Variants in PLOD2 observed in about 807,000 individuals in gnomAD.
The protein encoded by PLOD2 is lysine hydroxylase 2.
Under a neutral mutation model 101.0 loss-of-function variants are expected in PLOD2, and 65 were observed. The ratio of observed to expected loss-of-function variants is 0.64; its 90% confidence interval spans 0.53 to 0.79. The LOEUF (loss-of-function observed/expected upper bound fraction) is 0.79. Ranked by LOEUF, PLOD2 falls within the 30% of genes least tolerant of loss-of-function variation. The pLI is 0.00. For synonymous variants in PLOD2, 314 were observed against 302.9 expected (o/e 1.04, Z -0.38); for missense variants, 909 against 914.6 (o/e 0.99, Z 0.08).
chr3:146,160,771 C>G (rs1376487454), intron 1 of PLOD2, 110 bp downstream of exon 1: 23 of 716,946 alleles, frequency 3.2e-5, no homozygotes, highest in Non-Finnish European at 3.7e-5. Flanking sequence ...AGAGGAGGGA[C>G]AGGCCCCCAC....
intron 1 of PLOD2, among the ~76,000 whole-genome samples, chr3:146,131,242 T>C (rs973231337): frequency 1.3e-5 from 2 of 152,234 alleles, no homozygotes; most frequent in Admixed American, 6.5e-5. Context: ...ACCTCACCCA[T>C]GTGTTTTTTC....
Position 146,071,412 on chromosome 3 carries a change from T to A in PLOD2, c.1860A>T (p.Ile620=). 2 of 1,611,714 alleles carry A rather than the reference T, an allele frequency of 1.2e-6. No individual in the cohort carries two copies. Among genetic ancestry groups the A allele is most frequent in the Non-Finnish European group, 1.7e-6 (2 of 1,178,330 alleles). ...WSGGKHHDSR[I]SGGYENVPTD... ...TTGGGACATTTTCATAACCACCAGA[T>A]ATACGGCTATCCTAGAAACAACATT... The change falls in exon 18 of 20, where the codon ATA becomes ATT. Residue 620 remains isoleucine, a synonymous_variant. Transcript: ENST00000282903.
At chr3:146,147,272 C>G (rs2031823759) in intron 1 of PLOD2, among the ~76,000 whole-genome samples, 1 of 152,022 alleles carries the variant, frequency 6.6e-6, no homozygotes, top group Admixed American at 6.6e-5. Flanking sequence ...AAATGACAGA[C>G]AGTATTTTCA....
At chr3:146,094,434 T>C (rs1219772488) in intron 7 of PLOD2, among the ~76,000 whole-genome samples, 3 of 152,126 alleles carry the variant, frequency 2.0e-5, no homozygotes, top group East Asian at 1.9e-4. Flanking sequence ...AGCATTCCTA[T>C]ACACCAATAA....
intron 4 of PLOD2, among the ~76,000 whole-genome samples, chr3:146,109,939 CT>C (rs1937598611): frequency 6.6e-6 from 1 of 151,962 alleles, no homozygotes; most frequent in Non-Finnish European, 1.5e-5. Flanking sequence ...AGTAAGGAAG[CT>C]TACTAAACTT....
intron 1 of PLOD2, among the ~76,000 whole-genome samples, chr3:146,144,861 G>T (rs892817671): frequency 1.3e-5 from 2 of 151,700 alleles, no homozygotes; most frequent in Non-Finnish European, 2.9e-5. Flanking sequence ...ACAAAAAAAT[G>T]AATACTATCA....
At chr3:146,105,420 C>T (rs897795223) in intron 5 of PLOD2, among the ~76,000 whole-genome samples, 1 of 152,130 alleles carries the variant, frequency 6.6e-6, no homozygotes, top group African/African-American at 2.4e-5. Flanking sequence ...CACACCCATC[C>T]TTACAGGCTC....
chr3:146,090,299 T>C (rs1936932603), intron 8 of PLOD2, among the ~76,000 whole-genome samples: 1 of 151,454 alleles, frequency 6.6e-6, no homozygotes, highest in South Asian at 2.1e-4. Flanking sequence ...GAAAAACAGC[T>C]GTATATAGCA....
At chr3:146,074,245 G>C (rs562526546) in intron 15 of PLOD2, among the ~76,000 whole-genome samples, 1 of 151,394 alleles carries the variant, frequency 6.6e-6, no homozygotes, top group East Asian at 1.9e-4. Flanking sequence ...TATCCAAAAA[G>C]ATATCTTCTG....
chr3:146,124,102 T>C (rs1380484524), intron 2 of PLOD2, 36 bp downstream of exon 2: 1 of 1,041,956 alleles, frequency 9.6e-7, no homozygotes, highest in Non-Finnish European at 1.5e-6. Context: ...TAGGCACACA[T>C]TATAGGATCT....
chr3:146,112,800 G>A (rs1284048078), intron 3 of PLOD2, among the ~76,000 whole-genome samples: 1 of 147,742 alleles, frequency 6.8e-6, no homozygotes, highest in African/African-American at 2.5e-5. Context: ...GCAGTGAGCT[G>A]AGATCATGCC....
At chr3:146,083,088 A>G (rs1936620075) in intron 11 of PLOD2, among the ~76,000 whole-genome samples, 1 of 152,196 alleles carries the variant, frequency 6.6e-6, no homozygotes, top group African/African-American at 2.4e-5. Context: ...TATGAATATC[A>G]AACATTTAAT....
At position 146,070,502 on chromosome 3, in the gene PLOD2, TTTC is replaced by T. The variant is rs1295874020; in HGVS notation, c.*212_*214del. The stretch of plus-strand genomic sequence containing the variant: ...ATAAATATTTAAGTTTTTTCTTTCT[TTTC>T]TTCTTCAATCTGTGTTTTAAGGCTC... On this transcript the variant is annotated 3_prime_UTR_variant, in exon 20 of 20. Coordinates refer to ENST00000282903, the MANE Select transcript of PLOD2 (RefSeq NM_182943.3). 3.0e-5 allele frequency: 11 copies of T among 368,080 alleles called. No individual in the cohort carries two copies. The highest frequency in any genetic ancestry group is 4.9e-5 in the Non-Finnish European group (10 of 203,048). 22.8% of individuals were successfully genotyped at this position (368,080 alleles called of 1,614,324 possible).
Position 146,070,597 on chromosome 3 carries a change from G to T in PLOD2, c.*120C>A. On this transcript the variant is annotated 3_prime_UTR_variant, in exon 20 of 20. Coordinates refer to ENST00000282903, the MANE Select transcript of PLOD2 (RefSeq NM_182943.3). ...GTTTTTCAAATGTTTGGCCCAAAGT[G>T]AAGTTGTTCTGTTGATGTTATTTAA... 1 of 643,404 alleles carries T rather than the reference G, an allele frequency of 1.6e-6. No individual in the cohort carries two copies. Among genetic ancestry groups the T allele is most frequent in the Non-Finnish European group, 2.7e-6 (1 of 374,078 alleles). 39.9% of individuals were successfully genotyped at this position (643,404 alleles called of 1,614,324 possible). A position where few individuals can be genotyped will look rare whatever the true frequency, so the allele number is the denominator to read the frequency against.
chr3:146,085,097 C>A, intron 11 of PLOD2, 72 bp downstream of exon 11: 2 of 743,044 alleles, frequency 2.7e-6, no homozygotes, highest in Non-Finnish European at 4.8e-6. Flanking sequence ...TACACAATTA[C>A]TACAGTATGT....
chr3:146,117,174 C>A (rs1937950635), intron 3 of PLOD2, among the ~76,000 whole-genome samples: 1 of 152,076 alleles, frequency 6.6e-6, no homozygotes, highest in Non-Finnish European at 1.5e-5. Context: ...TCATCTAAAC[C>A]ACTAAGTATA....
Position 146,073,326 on chromosome 3 carries a change from A to T in PLOD2, c.1704T>A (p.Arg568=). Residue 568 remains arginine (R), a synonymous_variant, in exon 16 of 20, where the codon CGT becomes CGA. Transcript: ENST00000282903. ...TTTCAGTGAAAATCTTTGAATAATC[A>T]CGGTTTATATACTTTTCCTTCCAGT... is the stretch of plus-strand genomic sequence containing the variant. ...PVDWKEKYIN[R]DYSKIFTENI... is the part of the protein sequence containing the mutation. The T allele has an allele frequency of 8.1e-7, 1 of 1,232,520 alleles. No individual in the cohort carries two copies. The highest frequency in any genetic ancestry group is 1.2e-6 in the Non-Finnish European group (1 of 852,300). The allele number at this position is 1,232,520 out of a possible 1,614,324, so 76.3% of individuals were successfully genotyped here. A position where few individuals can be genotyped will look rare whatever the true frequency, so the allele number is the denominator to read the frequency against.
chr3:146,120,879 G>T (rs574422050), intron 3 of PLOD2, among the ~76,000 whole-genome samples: 1 of 151,832 alleles, frequency 6.6e-6, no homozygotes, highest in Non-Finnish European at 1.5e-5. Context: ...CTGCCACCAC[G>T]CCCGGCTAAT....
At chr3:146,071,738 CTT>C (rs1936145693) in intron 17 of PLOD2, among the ~76,000 whole-genome samples, 1 of 151,568 alleles carries the variant, frequency 6.6e-6, no homozygotes, top group Non-Finnish European at 1.5e-5. Flanking sequence ...AAAAATGAGT[CTT>C]TTTTTACAGT....
Sources: gnomAD v4.1 joint callset for allele counts (sites outside exome capture counted in the v4.1 genomes callset) on GRCh38, gnomAD v4.1.1 for gene constraint, MANE v1.5 for transcripts, NCBI Gene and HGNC (gene_info 2026-07-23, HGNC 2026-07-21) for gene names.